Variants in PHACTR3 observed in about 807,000 individuals in gnomAD.
The protein encoded by PHACTR3 is phosphatase and actin regulator 3, also known as protein phosphatase 1, regulatory subunit 123.
In PHACTR3, 16 loss-of-function variants were observed where a neutral mutation model predicts 66.8. The observed-to-expected ratio is 0.24, with a 90% CI of 0.16 to 0.36. PHACTR3 has a LOEUF of 0.36. Ranked by LOEUF, PHACTR3 falls within the 10% of genes least tolerant of loss-of-function variation. PHACTR3 has a pLI of 1.00. For missense variants in PHACTR3, 647 were observed against 719.9 expected, an observed-to-expected ratio of 0.90 and a Z score of 1.16; for synonymous variants, 323 against 292.1, an observed-to-expected ratio of 1.11 and a Z score of -1.08.
At chr20:59,619,655 G>A (rs1029689210) in intron 1 of PHACTR3, among the ~76,000 whole-genome samples, 28 of 152,180 alleles carry the variant, frequency 1.8e-4, no homozygotes, top group South Asian at 4.1e-4. Flanking sequence ...TCTGACTTAC[G>A]GAACTAGGAG....
chr20:59,622,999 A>AAAAAAAAAAAAAAAAAAAAAAAAAAAAAC (rs1363121702), intron 1 of PHACTR3, among the ~76,000 whole-genome samples: 2 of 148,554 alleles, frequency 1.3e-5, no homozygotes, highest in Non-Finnish European at 1.5e-5. Flanking sequence ...AAAAAAAAAA[A>AAAAAAAAAAAAAAAAAAAAAAAAAAAAAC]AACCCAAATC....
At position 59,773,385 on chromosome 20, in the gene PHACTR3, G is replaced by A. The variant is rs747183793; in HGVS notation, c.858G>A (p.Arg286=). The change falls in exon 6 of 13, where the codon CGG becomes CGA. Residue 286 remains arginine (R), a synonymous_variant. Transcript: ENST00000371015. ...CTCCGCATCTCACCACGGTCCACCG[G>A]CCTCTTCCCCCAAGCCGCGTCATTG... The part of the protein sequence containing the change: ...TGSPHLTTVH[R]PLPPSRVIEE... 6.2e-7 allele frequency: 1 copy of A among 1,613,978 alleles called. No homozygotes were observed. The highest frequency in any genetic ancestry group is 8.5e-7 in the Non-Finnish European group (1 of 1,180,036).
intron 1 of PHACTR3, among the ~76,000 whole-genome samples, chr20:59,695,744 T>A (rs2037273825): frequency 6.6e-6 from 1 of 151,834 alleles, no homozygotes; most frequent in South Asian, 2.1e-4. Context: ...ATTTTTTTTT[T>A]TTATTTGAGA....
chr20:59,604,484 G>A (rs994857264), upstream of PHACTR3: 38 of 406,874 alleles, frequency 9.3e-5, no homozygotes, highest in Non-Finnish European at 1.1e-4. Flanking sequence ...CTCCTCTCGC[G>A]CGGCATGATG....
chr20:59,771,193 C>T lies in PHACTR3; in HGVS notation c.752-2086C>T, dbSNP rs565347440. 7.7e-4 allele frequency among the ~76,000 whole-genome samples: 118 copies of T among 152,278 alleles called. 1 individual carries two copies. The highest frequency in any genetic ancestry group is 3.4e-3 in the Middle Eastern group (1 of 294). ...GGCAAACCACGCTGCCTCAGTTTCC[C>T]TATTTGTACAAGAGGGCTAGTGATT... On this transcript the variant is annotated intron_variant, in intron 5 of 12. Transcript: ENST00000371015.
chr20:59,685,567 G>A (rs763657703), intron 1 of PHACTR3, among the ~76,000 whole-genome samples: 6 of 152,168 alleles, frequency 3.9e-5, no homozygotes, highest in South Asian at 4.1e-4. Flanking sequence ...GGTTCACTGC[G>A]CCGTTGCCAT....
rs909626042 is a variant in PHACTR3 at position 59,829,633 on chromosome 20, G to T, written c.1329-6872G>T. Among the ~76,000 whole-genome samples, 4 of 152,132 alleles carry T rather than the reference G, an allele frequency of 2.6e-5. No homozygotes were observed. The highest frequency in any genetic ancestry group is 7.2e-5 in the African/African-American group (3 of 41,420). On this transcript the variant is annotated intron_variant, in intron 8 of 12. Transcript: ENST00000371015. This position sits in a 1 kb window ranked among gnomAD's most constrained non-coding sequence, Gnocchi z 4.2. ...TCGCTGGGGAATCCCATCTCCAGGCGGGGGCCGCCAGCTTTTCTCAGTGAC... is the reference window on the plus strand; with the variant it reads ...TCGCTGGGGAATCCCATCTCCAGGCTGGGGCCGCCAGCTTTTCTCAGTGAC...
intron 1 of PHACTR3, among the ~76,000 whole-genome samples, chr20:59,662,430 T>C (rs1305251984): frequency 1.3e-5 from 2 of 151,864 alleles, no homozygotes; most frequent in South Asian, 4.2e-4. Flanking sequence ...AGCAGGATGG[T>C]GTTTCAGACA....
intron 7 of PHACTR3, among the ~76,000 whole-genome samples, chr20:59,777,752 G>T (rs915945347): frequency 6.6e-6 from 1 of 152,130 alleles, no homozygotes; most frequent in Non-Finnish European, 1.5e-5. Context: ...TCTGTGTCCC[G>T]TGGTGTGTCC....
At chr20:59,691,430 T>C (rs764196415) in intron 1 of PHACTR3, among the ~76,000 whole-genome samples, 6 of 152,202 alleles carry the variant, frequency 3.9e-5, no homozygotes, top group Non-Finnish European at 8.8e-5. Flanking sequence ...TTTCTCTGAT[T>C]TTCTTGCCTC....
chr20:59,770,714 CCT>C (rs2040330724), intron 5 of PHACTR3, among the ~76,000 whole-genome samples: 1 of 152,190 alleles, frequency 6.6e-6, no homozygotes, highest in South Asian at 2.1e-4. Context: ...GGCAGGTTCT[CCT>C]CTGTGTGCTG....
chr20:59,774,958 T>C (rs1200103039), intron 7 of PHACTR3, among the ~76,000 whole-genome samples: 1 of 151,988 alleles, frequency 6.6e-6, no homozygotes, highest in Non-Finnish European at 1.5e-5. Context: ...GAGAGATTGC[T>C]CTATTGATCT....
chr20:59,681,504 C>A (rs556332759), intron 1 of PHACTR3, among the ~76,000 whole-genome samples: 10 of 152,338 alleles, frequency 6.6e-5, no homozygotes, highest in African/African-American at 2.4e-4. Context: ...TTGCCTCACC[C>A]ACTTGGCAGG....
Position 59,756,407 on chromosome 20 carries a change from G to A in PHACTR3, c.541+1043G>A, listed in dbSNP as rs951648998. On this transcript the variant is annotated intron_variant, in intron 4 of 12. Transcript: ENST00000371015. ...AGAGCGGGTGGACACCTGGTCCTCC[G>A]TGCCCGGGACTTCCTTCTGCCACAC... 4.6e-5 allele frequency among the ~76,000 whole-genome samples: 7 copies of A among 152,206 alleles called. No homozygotes were observed. In the South Asian group the frequency reaches 6.2e-4, roughly 13 times the overall value.
chr20:59,713,234 A>G (rs1361852573), intron 1 of PHACTR3, among the ~76,000 whole-genome samples: 2 of 152,202 alleles, frequency 1.3e-5, no homozygotes, highest in East Asian at 1.9e-4. Flanking sequence ...TTTTTTTTCT[A>G]TCTACATTTT....
chr20:59,606,303 T>TCC lies in PHACTR3; in HGVS notation c.118+1179_118+1180dup, dbSNP rs5842274. On this transcript the variant is annotated intron_variant, in intron 1 of 12. Coordinates refer to ENST00000371015, the MANE Select transcript of PHACTR3 (RefSeq NM_080672.5). The stretch of plus-strand genomic sequence containing the variant: ...GGCAGCTGTGTGGGCACTGGATCCC[T>TCC]CCCCCCCCCATTTGAAAATTTAAAC... Among the ~76,000 whole-genome samples, 80 of 151,138 alleles carry TCC rather than the reference T, an allele frequency of 5.3e-4. 3 individuals are homozygous for TCC. In the East Asian group the frequency reaches 7.7e-3, roughly 15 times the overall value.
chr20:59,634,926 T>C (rs180893571), intron 1 of PHACTR3, among the ~76,000 whole-genome samples: 5 of 152,212 alleles, frequency 3.3e-5, no homozygotes, highest in Admixed American at 3.3e-4. Flanking sequence ...GGCAACCACA[T>C]CGGGCAGTGC....
Position 59,840,433 on chromosome 20 carries a change from A to T in PHACTR3, c.1446+3A>T, listed in dbSNP as rs377481340. 6.2e-7 allele frequency: 1 copy of T among 1,613,264 alleles called. No homozygotes were observed. The highest frequency in any genetic ancestry group is 1.3e-5 in the African/African-American group (1 of 74,896). ...TCAAGCAAAGATTGACAAGAAAGGT[A>T]GTATAAGCATTTTATTGCCTGAATA... On this transcript the variant is annotated splice_donor_region_variant and intron_variant, in intron 10 of 12. Transcript: ENST00000371015.
chr20:59,767,113 T>C, intron 4 of PHACTR3, 73 bp from the exon 5 acceptor site: 1 of 1,506,022 alleles, frequency 6.6e-7, no homozygotes, highest in Non-Finnish European at 9.1e-7. Context: ...CCAAACCCTC[T>C]TGCTTTGCTC....
Sources: gnomAD v4.1 joint callset for allele counts (sites outside exome capture counted in the v4.1 genomes callset) on GRCh38, gnomAD v4.1.1 for gene constraint, Gnocchi (gnomAD v3.1) non-coding constraint, MANE v1.5 for transcripts, NCBI Gene and HGNC (gene_info 2026-07-23, HGNC 2026-07-21) for gene names.